The following ARHGEF3 variants were observed in gnomAD, a reference collection of about 807,000 sequenced individuals.
The protein encoded by ARHGEF3 is 59.8 kDA protein.
In ARHGEF3, 28 loss-of-function variants were observed where a neutral mutation model predicts 63.2. The observed-to-expected ratio is 0.44, with a 90% CI of 0.33 to 0.61. ARHGEF3 has a LOEUF of 0.61. Among genes scored for constraint, ARHGEF3 ranks in the 20% least tolerant of loss-of-function variants. ARHGEF3 has a pLI of 0.03. For synonymous variants in ARHGEF3, 266 were observed against 254.2 expected (o/e 1.05, Z -0.44); for missense variants, 533 against 659.3 (o/e 0.81, Z 2.10).
At chr3:56,793,326 C>A (rs571123209) in intron 1 of ARHGEF3, among the ~76,000 whole-genome samples, 7 of 152,186 alleles carry the variant, frequency 4.6e-5, no homozygotes, top group African/African-American at 1.7e-4. Context: ...CCCGCCACCG[C>A]GCCCGGCTAA....
intron 1 of ARHGEF3, among the ~76,000 whole-genome samples, chr3:57,058,648 T>C (rs1339544632): frequency 1.3e-5 from 2 of 152,170 alleles, no homozygotes; most frequent in Admixed American, 1.3e-4. Context: ...ACTGGGTATA[T>C]ACCCAAAGGA....
intron 3 of ARHGEF3, among the ~76,000 whole-genome samples, chr3:56,930,047 C>G (rs923966852): frequency 3.6e-5 from 3 of 84,412 alleles, no homozygotes; most frequent in Non-Finnish European, 6.7e-5. Context: ...AACTACCAGC[C>G]CCCCCCTCCC....
At chr3:56,920,772 G>A (rs1249971467) in intron 3 of ARHGEF3, among the ~76,000 whole-genome samples, 1 of 152,170 alleles carries the variant, frequency 6.6e-6, no homozygotes, top group Non-Finnish European at 1.5e-5. Context: ...CATGGCCAAG[G>A]CCGGGCACGA....
At chr3:56,750,906 T>G (rs2034700320) in intron 6 of ARHGEF3, 150 bp downstream of exon 6, 1 of 509,650 alleles carries the variant, frequency 2.0e-6, no homozygotes, top group South Asian at 5.2e-5. Context: ...AACTTAAATT[T>G]AATTAAAATT....
chr3:56,995,797 G>A (rs1327722908), intron 2 of ARHGEF3, among the ~76,000 whole-genome samples: 1 of 152,082 alleles, frequency 6.6e-6, no homozygotes, highest in Non-Finnish European at 1.5e-5. Context: ...AGATTTTCTG[G>A]CAAAATTTTG....
In ARHGEF3 at chr3:56,992,375, TAAAAAAAAAAAAAAAAAAAAAAAA is replaced by T. The variant is rs57740672; in HGVS notation, c.63-33510_63-33487del. 4.3e-4 allele frequency among the ~76,000 whole-genome samples: 20 copies of T among 46,152 alleles called. 1 individual carries two copies. The highest frequency in any genetic ancestry group is 1.2e-3 in the Admixed American group (4 of 3,410). 30.3% of individuals were successfully genotyped at this position (46,152 alleles called of 152,430 possible). A position where few individuals can be genotyped will look rare whatever the true frequency, so the allele number is the denominator to read the frequency against. ...GGTCCTATGGTAGGGAGGATGGCTT[TAAAAAAAAAAAAAAAAAAAAAAAA>T]AAAAAAAAAAAAAAACAGAAAGAAG... On this transcript the variant is annotated intron_variant, in intron 2 of 12. Coordinates refer to the ARHGEF3 transcript ENST00000338458.
chr3:56,822,911 G>A (rs1350018331), intron 4 of ARHGEF3, among the ~76,000 whole-genome samples: 4 of 151,810 alleles, frequency 2.6e-5, no homozygotes, highest in Non-Finnish European at 5.9e-5. Context: ...GGGCCATGTG[G>A]TTATGTTGTT....
chr3:57,064,831 C>T (rs950696078), intron 1 of ARHGEF3, among the ~76,000 whole-genome samples: 29 of 152,252 alleles, frequency 1.9e-4, no homozygotes, highest in Admixed American at 1.7e-3. Flanking sequence ...GTTTCAGTGT[C>T]ACAAGATGAA....
At chr3:56,759,802 T>C (rs1223034049) in intron 2 of ARHGEF3, among the ~76,000 whole-genome samples, 1 of 152,182 alleles carries the variant, frequency 6.6e-6, no homozygotes, top group African/African-American at 2.4e-5. Context: ...CGCCTCAGCC[T>C]CCCAAACTGC....
In ARHGEF3 at chr3:57,049,675, T is replaced by C. The variant is rs191051855; in HGVS notation, c.-27-14499A>G. Reference sequence around the variant, plus strand: ...GAGTTCCAAGGGGCTCAGAATCCAGTAGGGAAACAAAAGCAAAGCCTGACA... The same window carrying C: ...GAGTTCCAAGGGGCTCAGAATCCAGCAGGGAAACAAAAGCAAAGCCTGACA... On this transcript the variant is annotated intron_variant, in intron 1 of 12. Transcript: ENST00000338458. 3.1e-3 allele frequency among the ~76,000 whole-genome samples: 475 copies of C among 152,136 alleles called. 2 individuals carry two copies. Among genetic ancestry groups the C allele is most frequent in the Non-Finnish European group, 4.7e-3 (319 of 67,998 alleles).
At chr3:56,754,883 A>T in intron 3 of ARHGEF3, 98 bp downstream of exon 3, 1 of 1,487,086 alleles carries the variant, frequency 6.7e-7, no homozygotes, top group South Asian at 1.2e-5. Flanking sequence ...CGCAATGAAG[A>T]ATTGATTTGG....
chr3:57,048,996 G>A (rs1484795167), intron 1 of ARHGEF3, among the ~76,000 whole-genome samples: 4 of 152,174 alleles, frequency 2.6e-5, no homozygotes, highest in Non-Finnish European at 5.9e-5. Context: ...AATCATCCAA[G>A]CAGAGAATCA....
Position 56,744,192 on chromosome 3 carries a change from T to C in ARHGEF3, c.870+1013A>G, listed in dbSNP as rs556759054. 2.5e-4 allele frequency among the ~76,000 whole-genome samples: 38 copies of C among 152,210 alleles called. No homozygotes were observed. The South Asian group carries it at 2.9e-3, about 12-fold the overall frequency. ...CACGACCTGTCCTGTCATTTCCTTA[T>C]ACCTTTGCTCAGGCCACCCGCTCCC... On this transcript the variant is annotated intron_variant, in intron 7 of 9. Transcript: ENST00000296315.
rs1442854337 is a variant in ARHGEF3 at position 56,951,118 on chromosome 3, G to A, written c.129+7705C>T. Among the ~76,000 whole-genome samples the A allele has an allele frequency of 5.3e-5, 8 of 151,836 alleles. 1 individual carries two copies. The highest frequency in any genetic ancestry group is 4.2e-4 in the South Asian group (2 of 4,788). On this transcript the variant is annotated intron_variant, in intron 3 of 12. Transcript: ENST00000338458. ...CACAGGAAGGGGAACATCACACACC[G>A]GGGCCTGTTGTGCGGTGGGGGGAGG...
At chr3:56,980,390 A>T (rs572368731) in intron 2 of ARHGEF3, among the ~76,000 whole-genome samples, 1 of 152,358 alleles carries the variant, frequency 6.6e-6, no homozygotes, top group South Asian at 2.1e-4. Flanking sequence ...TGAAAGTGAA[A>T]AAAAGAAGAA....
rs1016256455 is a variant in ARHGEF3 at position 57,065,240 on chromosome 3, T to C, written c.-28+13986A>G. On this transcript the variant is annotated intron_variant, in intron 1 of 12. Transcript: ENST00000338458. Reference sequence around the variant, plus strand: ...ACTTCGGGAGGCCGAGGCGGGCAGATAACTTGAGGTCAGGAGTTCGACACC... The same window carrying C: ...ACTTCGGGAGGCCGAGGCGGGCAGACAACTTGAGGTCAGGAGTTCGACACC... Among the ~76,000 whole-genome samples, 58 of 152,180 alleles carry C rather than the reference T, an allele frequency of 3.8e-4. 2 individuals carry two copies. The highest frequency in any genetic ancestry group is 5.9e-5 in the Non-Finnish European group (4 of 68,032).
intron 2 of ARHGEF3, among the ~76,000 whole-genome samples, chr3:56,768,458 T>C (rs557549861): frequency 1.3e-4 from 19 of 151,996 alleles, no homozygotes; most frequent in Non-Finnish European, 2.5e-4. Flanking sequence ...AACATAGAGT[T>C]ATTTAATATA....
intron 2 of ARHGEF3, among the ~76,000 whole-genome samples, chr3:56,962,574 G>A (rs562210319): frequency 6.6e-6 from 1 of 152,316 alleles, no homozygotes; most frequent in Non-Finnish European, 1.5e-5. Context: ...CACTTCCATA[G>A]AGGGATTCAC....
chr3:57,042,684 A>ATT (rs1704258131), intron 1 of ARHGEF3, among the ~76,000 whole-genome samples: 3 of 9,860 alleles, frequency 3.0e-4, no homozygotes, highest in South Asian at 3.9e-3. Context: ...ATATATATAT[A>ATT]TATATATATA....
Sources: gnomAD v4.1 joint callset for allele counts (sites outside exome capture counted in the v4.1 genomes callset) on GRCh38, gnomAD v4.1.1 for gene constraint, MANE v1.5 for transcripts, NCBI Gene and HGNC (gene_info 2026-07-23, HGNC 2026-07-21) for gene names.